AGBL1: variants seen among roughly 807,000 people sequenced by gnomAD.
The protein encoded by AGBL1 is AGBL carboxypeptidase 1, also known as cytosolic carboxypeptidase 4.
Under a neutral mutation model 118.9 loss-of-function variants are expected in AGBL1, and 130 were observed. The observed-to-expected ratio is 1.09, with a 90% CI of 0.95 to 1.26. AGBL1 has a LOEUF of 1.26. Ranked by LOEUF, AGBL1 falls within the 50% of genes most tolerant of loss-of-function variation. The pLI, the probability that AGBL1 is intolerant of heterozygous loss-of-function variation, is 0.00. For synonymous variants in AGBL1, 555 were observed against 478.9 expected, an observed-to-expected ratio of 1.16 and a Z score of -2.08; for missense variants, 1,584 against 1,298.1, an observed-to-expected ratio of 1.22 and a Z score of -3.38.
At chr15:86,341,897 G>A (rs1054334514) in intron 17 of AGBL1, among the ~76,000 whole-genome samples, 1 of 152,016 alleles carries the variant, frequency 6.6e-6, no homozygotes. Flanking sequence ...AGAATTTACT[G>A]TAAAATTTAT....
At chr15:86,289,118 T>A (rs1041122457) in intron 16 of AGBL1, among the ~76,000 whole-genome samples, 5 of 152,162 alleles carry the variant, frequency 3.3e-5, no homozygotes, top group African/African-American at 1.2e-4. Flanking sequence ...ACACATTTTT[T>A]TTCCTTTCTC....
chr15:86,189,211 GT>G (rs1281603546), intron 5 of AGBL1, among the ~76,000 whole-genome samples: 2 of 152,150 alleles, frequency 1.3e-5, no homozygotes, highest in Non-Finnish European at 2.9e-5. Context: ...TAAACTTCGT[GT>G]TTTAAAACCA....
At chr15:87,009,669 G>C (rs994888720) in intron 24 of AGBL1, among the ~76,000 whole-genome samples, 1 of 152,188 alleles carries the variant, frequency 6.6e-6, no homozygotes, top group African/African-American at 2.4e-5. Flanking sequence ...GCAGCTGGGA[G>C]GGAGGCTCTA....
chr15:86,380,131 A>T (rs541398079), intron 17 of AGBL1, among the ~76,000 whole-genome samples: 4 of 126,976 alleles, frequency 3.2e-5, no homozygotes, highest in Admixed American at 2.8e-4. Flanking sequence ...ACTGCTCAGG[A>T]AAAACTGACG....
At chr15:86,810,360 G>T (rs1344333754) in intron 22 of AGBL1, among the ~76,000 whole-genome samples, 1 of 152,064 alleles carries the variant, frequency 6.6e-6, no homozygotes, top group Non-Finnish European at 1.5e-5. Flanking sequence ...CCAGTCTATA[G>T]GGAGAATGAC....
chr15:86,946,073 G>A (rs2080816801), intron 23 of AGBL1: 1 of 152,266 alleles, frequency 6.6e-6, no homozygotes, highest in East Asian at 1.9e-4. Flanking sequence ...TTTTAAGGTG[G>A]GGTGAGAATT....
intron 19 of AGBL1, among the ~76,000 whole-genome samples, chr15:86,525,216 A>T (rs1003709313): frequency 6.6e-6 from 1 of 152,194 alleles, no homozygotes; most frequent in Non-Finnish European, 1.5e-5. Flanking sequence ...CTACAACAAG[A>T]ACCACAAAAC....
At chr15:86,235,895 C>T (rs2078533382) in intron 6 of AGBL1, among the ~76,000 whole-genome samples, 1 of 152,104 alleles carries the variant, frequency 6.6e-6, no homozygotes, top group African/African-American at 2.4e-5. Flanking sequence ...CCTACAAATG[C>T]ACAGGATGGC....
At chr15:86,904,972 C>A (rs2080262219) in intron 22 of AGBL1, among the ~76,000 whole-genome samples, 2 of 151,818 alleles carry the variant, frequency 1.3e-5, no homozygotes. Context: ...ACACTATAAC[C>A]ATGTTAATGA....
intron 18 of AGBL1, among the ~76,000 whole-genome samples, chr15:86,415,565 A>G (rs966230354): frequency 2.0e-5 from 3 of 152,208 alleles, no homozygotes; most frequent in Non-Finnish European, 2.9e-5. Context: ...TCACTATTAA[A>G]TAAACTAAAT....
chr15:86,763,873 T>C (rs1426071780), intron 22 of AGBL1, among the ~76,000 whole-genome samples: 1 of 152,044 alleles, frequency 6.6e-6, no homozygotes, highest in Non-Finnish European at 1.5e-5. Context: ...ATTTATGGAA[T>C]AGTTGAGCTT....
chr15:86,923,059 C>A (rs548431086), intron 23 of AGBL1, among the ~76,000 whole-genome samples: 4 of 152,138 alleles, frequency 2.6e-5, no homozygotes, highest in Non-Finnish European at 1.5e-5. Context: ...AGGTATCCGG[C>A]CCGAGGGATG....
At chr15:86,748,578 C>A (rs936632779) in intron 22 of AGBL1, among the ~76,000 whole-genome samples, 8 of 116,568 alleles carry the variant, frequency 6.9e-5, no homozygotes, top group African/African-American at 2.6e-4. Flanking sequence ...GAGATGAAGT[C>A]CTTGCCCATG....
intron 22 of AGBL1, among the ~76,000 whole-genome samples, chr15:86,823,520 C>G (rs1458410225): frequency 6.6e-6 from 1 of 152,158 alleles, no homozygotes; most frequent in East Asian, 1.9e-4. Flanking sequence ...AGGGTTAGGT[C>G]TTAGCACAGA....
chr15:86,515,888 C>T (rs967592856), intron 18 of AGBL1, among the ~76,000 whole-genome samples: 3 of 152,176 alleles, frequency 2.0e-5, no homozygotes, highest in African/African-American at 7.2e-5. Context: ...GACATGTGCC[C>T]GAGGTGGTTG....
At chr15:86,878,143 A>G (rs1157805889) in intron 22 of AGBL1, among the ~76,000 whole-genome samples, 3 of 152,190 alleles carry the variant, frequency 2.0e-5, no homozygotes, top group Non-Finnish European at 4.4e-5. Flanking sequence ...TTGTGTCATG[A>G]GACTCTGGAG....
At chr15:86,703,069 C>T (rs2086387913) in intron 22 of AGBL1, among the ~76,000 whole-genome samples, 1 of 152,036 alleles carries the variant, frequency 6.6e-6, no homozygotes, top group African/African-American at 2.4e-5. Flanking sequence ...GTCTCAGAAT[C>T]CAAGAGAATA....
At chr15:86,088,358 G>T (rs762615379) in intron 1 of AGBL1, 1 of 152,280 alleles carries the variant, frequency 6.6e-6, no homozygotes, top group Admixed American at 6.5e-5. Flanking sequence ...AAAAGCAACA[G>T]ATCAAACCAT....
chr15:86,287,367 A>C (rs965727644), intron 16 of AGBL1, among the ~76,000 whole-genome samples: 2 of 151,994 alleles, frequency 1.3e-5, no homozygotes, highest in Non-Finnish European at 2.9e-5. Flanking sequence ...GTGGAATCCT[A>C]TTGTCTACTT....
Sources: allele counts gnomAD v4.1 joint callset (sites outside exome capture counted in the v4.1 genomes callset), GRCh38; gene constraint gnomAD v4.1.1; transcripts MANE v1.5; gene names NCBI Gene and HGNC (gene_info 2026-07-23, HGNC 2026-07-21).